Variants in PKN2 observed in about 807,000 individuals in gnomAD.
PKN2 encodes the protein serine/threonine-protein kinase N2.
PKN2 carries 38 observed loss-of-function variants against 119.1 expected under a neutral mutation model. The observed-to-expected ratio is 0.32, with a 90% CI of 0.25 to 0.42. PKN2 has a LOEUF of 0.42. Among genes scored for constraint, PKN2 ranks in the 10% least tolerant of loss-of-function variants. The pLI is 1.00. For missense variants in PKN2, 850 were observed against 1,165.1 expected (o/e 0.73, Z 3.94); for synonymous variants, 390 against 384.9 (o/e 1.01, Z -0.15).
Position 88,760,782 on chromosome 1 carries a change from TG to T in PKN2, c.504+407del, listed in dbSNP as rs1241554296. Among the ~76,000 whole-genome samples the T allele has an allele frequency of 9.2e-5, 14 of 152,260 alleles. No individual in the cohort carries two copies. The East Asian group carries it at 1.2e-3, about 13-fold the overall frequency. On this transcript the variant is annotated intron_variant, in intron 3 of 21. Transcript: ENST00000370521. Reference sequence around the variant, plus strand: ...TTGGAAACATGTTTTTCTTTGTTGTTGTTTTTTTTGTTTTTTTAGGTAACAT... The same window carrying T: ...TTGGAAACATGTTTTTCTTTGTTGTTTTTTTTTTGTTTTTTTAGGTAACAT...
At chr1:88,751,650 A>G (rs983801218) in intron 2 of PKN2, among the ~76,000 whole-genome samples, 2 of 152,140 alleles carry the variant, frequency 1.3e-5, no homozygotes, top group Non-Finnish European at 1.5e-5. Context: ...TTTAGCTTCA[A>G]TTCCACAAAT....
intron 6 of PKN2, among the ~76,000 whole-genome samples, chr1:88,773,704 A>G (rs1669980954): frequency 6.6e-6 from 1 of 152,286 alleles, no homozygotes; most frequent in Middle Eastern, 3.4e-3. Flanking sequence ...GCATGAGCCC[A>G]GGAGTTTGAG....
chr1:88,761,954 G>T (rs532000287), intron 3 of PKN2, among the ~76,000 whole-genome samples: 2 of 151,880 alleles, frequency 1.3e-5, no homozygotes. Flanking sequence ...CTGGAACTGC[G>T]ATTTTAGCAC....
chr1:88,746,715 A>G (rs796742923), intron 2 of PKN2, among the ~76,000 whole-genome samples: 2 of 152,258 alleles, frequency 1.3e-5, no homozygotes, highest in African/African-American at 4.8e-5. Flanking sequence ...TGAGAAAACT[A>G]AAAATAGGAT....
chr1:88,740,986 A>G lies in PKN2; in HGVS notation c.49-2A>G. 6.4e-7 allele frequency: 1 copy of G among 1,550,662 alleles called. No homozygotes were observed. The highest frequency in any genetic ancestry group is 8.7e-7 in the Non-Finnish European group (1 of 1,154,848). On this transcript the variant is annotated splice_acceptor_variant, in intron 1 of 21. Transcript: ENST00000370521. LOFTEE classifies it high-confidence loss of function. ...ACATTTGTATGTTTATTTTTTCTGT[A>G]GGGGGATTCCCGAAGTCTTCCGTTT...
intron 3 of PKN2, among the ~76,000 whole-genome samples, chr1:88,765,817 A>G (rs1267585249): frequency 6.6e-6 from 1 of 152,020 alleles, no homozygotes; most frequent in African/African-American, 2.4e-5. Flanking sequence ...GTTTTTGGAG[A>G]CAGGGTCTCA....
At chr1:88,788,126 C>G (rs7522512) in intron 8 of PKN2, among the ~76,000 whole-genome samples, 2 of 151,974 alleles carry the variant, frequency 1.3e-5, no homozygotes, top group African/African-American at 4.8e-5. Context: ...GGAACTAAGT[C>G]GTCTGTACTG....
chr1:88,767,486 T>A (rs893615967), intron 3 of PKN2, among the ~76,000 whole-genome samples: 1 of 152,164 alleles, frequency 6.6e-6, no homozygotes, highest in African/African-American at 2.4e-5. Flanking sequence ...TGTGCGGGTA[T>A]CATAGAGTGT....
At position 88,711,694 on chromosome 1, in the gene PKN2, T is replaced by G. The variant is rs921176712; in HGVS notation, c.48+27066T>G. 7.2e-5 allele frequency among the ~76,000 whole-genome samples: 11 copies of G among 152,274 alleles called. No homozygotes were observed. In the East Asian group the frequency reaches 1.7e-3, roughly 24 times the overall value. On this transcript the variant is annotated intron_variant, in intron 1 of 21. Coordinates refer to ENST00000370521, the MANE Select transcript of PKN2 (RefSeq NM_006256.4). ...GTTTGTAGAATGCTTATAAAGAAAG[T>G]TTACAATTGTAGGTAGAAATGTGAT...
chr1:88,803,058 A>G (rs1051884926), intron 8 of PKN2, among the ~76,000 whole-genome samples: 1 of 152,138 alleles, frequency 6.6e-6, no homozygotes, highest in Non-Finnish European at 1.5e-5. Flanking sequence ...CATCCCTTCT[A>G]TATGCCATTT....
intron 1 of PKN2, among the ~76,000 whole-genome samples, chr1:88,728,867 G>A (rs965925634): frequency 4.0e-5 from 6 of 149,062 alleles, no homozygotes; most frequent in African/African-American, 1.5e-4. Context: ...TATAGCCAAT[G>A]TCCAGTGATG....
chr1:88,832,607 A>ATTGTTG (rs3835587), intron 19 of PKN2, 137 bp from the exon 20 acceptor site: 155 of 576,062 alleles, frequency 2.7e-4, no homozygotes, highest in South Asian at 9.5e-4. Context: ...GCATGGGTTT[A>ATTGTTG]TTGTTGTTGT....
At chr1:88,774,698 T>G (rs933501542) in intron 6 of PKN2, among the ~76,000 whole-genome samples, 2 of 152,118 alleles carry the variant, frequency 1.3e-5, no homozygotes, top group Non-Finnish European at 2.9e-5. Flanking sequence ...GATTGAATTT[T>G]TCTACTCTGT....
chr1:88,787,232 A>G (rs1670616479), intron 8 of PKN2, among the ~76,000 whole-genome samples: 1 of 152,068 alleles, frequency 6.6e-6, no homozygotes, highest in African/African-American at 2.4e-5. Flanking sequence ...ATGGAGAACT[A>G]CCTGGTTGAA....
intron 19 of PKN2, 104 bp from the exon 20 acceptor site, chr1:88,832,640 G>GT: frequency 3.2e-6 from 2 of 629,624 alleles, no homozygotes; most frequent in South Asian, 2.2e-5. Flanking sequence ...TGTTTTGTCT[G>GT]TTTTTTCTTT....
At chr1:88,757,479 A>G (rs998965238) in intron 2 of PKN2, among the ~76,000 whole-genome samples, 1 of 152,154 alleles carries the variant, frequency 6.6e-6, no homozygotes. Flanking sequence ...GAATTAGTGA[A>G]TTTTTTAAAG....
chr1:88,756,503 A>G (rs1333698234), intron 2 of PKN2, among the ~76,000 whole-genome samples: 1 of 152,174 alleles, frequency 6.6e-6, no homozygotes, highest in Non-Finnish European at 1.5e-5. Flanking sequence ...TTCTCATCCT[A>G]GGCTAAATAC....
chr1:88,770,654 C>T (rs1223047179), intron 4 of PKN2, among the ~76,000 whole-genome samples, 185 bp downstream of exon 4: 4 of 148,666 alleles, frequency 2.7e-5, no homozygotes, highest in South Asian at 4.2e-4. Context: ...GGCGGGATCT[C>T]GGCTCACTGC....
chr1:88,704,860 G>C (rs1179202071), intron 1 of PKN2, among the ~76,000 whole-genome samples: 1 of 150,804 alleles, frequency 6.6e-6, no homozygotes, highest in Non-Finnish European at 1.5e-5. Context: ...TTTAATTTTA[G>C]CTATTCTAGT....
Sources: allele counts gnomAD v4.1 joint callset (sites outside exome capture counted in the v4.1 genomes callset), GRCh38; gene constraint gnomAD v4.1.1; transcripts MANE v1.5; gene names NCBI Gene and HGNC (gene_info 2026-07-23, HGNC 2026-07-21).